The following CUBN variants were observed in gnomAD, a reference collection of about 807,000 sequenced individuals.
The protein encoded by CUBN is cubilin, also known as 460 kDa receptor.
A neutral mutation model predicts 405.3 loss-of-function variants in CUBN; 282 were observed. The ratio of observed to expected loss-of-function variants is 0.70; its 90% CI spans 0.63 to 0.77. CUBN has a LOEUF of 0.77. CUBN is among the 30% of genes least tolerant of loss of function. CUBN has a pLI of 0.00. For missense variants in CUBN, 4,514 were observed against 4,475.2 expected, an observed-to-expected ratio of 1.01 and a Z score of -0.25; for synonymous variants, 1,684 against 1,617.0, an observed-to-expected ratio of 1.04 and a Z score of -0.99.
chr10:17,040,385 C>T (rs186945316), intron 27 of CUBN, among the ~76,000 whole-genome samples: 25 of 152,108 alleles, frequency 1.6e-4, no homozygotes, highest in African/African-American at 5.8e-4. Context: ...GCCAAAATAA[C>T]CTCCCAATTT....
chr10:17,010,830 CAT>C (rs1400637027), intron 28 of CUBN, among the ~76,000 whole-genome samples: 1 of 152,170 alleles, frequency 6.6e-6, no homozygotes, highest in Non-Finnish European at 1.5e-5. Context: ...TTTTAACAGA[CAT>C]ACACTCAGAG....
chr10:17,108,641 G>T (rs1325316456), intron 10 of CUBN, among the ~76,000 whole-genome samples: 1 of 151,824 alleles, frequency 6.6e-6, no homozygotes, highest in Non-Finnish European at 1.5e-5. Flanking sequence ...AAGTATAAAA[G>T]AACATGTACT....
chr10:16,933,989 G>C (rs1256378584), intron 39 of CUBN, among the ~76,000 whole-genome samples: 1 of 152,180 alleles, frequency 6.6e-6, no homozygotes, highest in African/African-American at 2.4e-5. Flanking sequence ...CAAGACCTGA[G>C]AATGCAGTTT....
At chr10:16,863,156 T>C (rs1423395589) in intron 59 of CUBN, among the ~76,000 whole-genome samples, 1 of 152,172 alleles carries the variant, frequency 6.6e-6, no homozygotes, top group Non-Finnish European at 1.5e-5. Flanking sequence ...CATTCTCAGC[T>C]CAGCAAAAAA....
chr10:16,861,257 G>C (rs2131353512), intron 59 of CUBN, among the ~76,000 whole-genome samples: 1 of 151,996 alleles, frequency 6.6e-6, no homozygotes, highest in South Asian at 2.1e-4. Context: ...TGCCTCCCAG[G>C]TTCAAGGGAT....
At chr10:17,124,602 G>T (rs1379107649) in intron 4 of CUBN, among the ~76,000 whole-genome samples, 2 of 150,934 alleles carry the variant, frequency 1.3e-5, no homozygotes, top group Admixed American at 6.6e-5. Flanking sequence ...CTAATTTTTT[G>T]TATTTTTAGT....
chr10:16,870,101 T>C (rs375796172), intron 58 of CUBN, among the ~76,000 whole-genome samples: 1 of 152,176 alleles, frequency 6.6e-6, no homozygotes. Flanking sequence ...GTGAGTAAGA[T>C]ACAGTCTTAC....
In CUBN at chr10:16,890,426, G is replaced by A. The variant is rs549413310; in HGVS notation, c.8700C>T (p.Ala2900=). The A allele has an allele frequency of 7.4e-6, 12 of 1,613,896 alleles. No homozygotes were observed. The Admixed American group carries it at 1.0e-4, about 13-fold the overall frequency. ...PVITPSNTFT[A]VFQSQEAPAQ... is the part of the protein sequence containing the mutation. ...CTGGTGCCTCCTGAGACTGGAAGAC[G>A]GCAGTGAATGTGTTACTTGGTGTGA... Residue 2900 remains alanine (A), a synonymous_variant, in exon 55 of 67, where the codon GCC becomes GCT. Coordinates refer to ENST00000377833, the MANE Select transcript of CUBN (RefSeq NM_001081.4).
intron 43 of CUBN, among the ~76,000 whole-genome samples, chr10:16,924,050 G>A (rs1013287717): frequency 4.6e-5 from 7 of 152,116 alleles, no homozygotes; most frequent in African/African-American, 7.2e-5. Context: ...TAGCCTGGGC[G>A]ACAGAGAGAC....
In CUBN at chr10:17,045,888, C is replaced by T. The variant is rs768347236; in HGVS notation, c.3490+46G>A. On this transcript the variant is annotated intron_variant, in intron 24 of 66. Coordinates refer to ENST00000377833, the MANE Select transcript of CUBN (RefSeq NM_001081.4). Reference sequence around the variant, plus strand: ...CATGACAATCCCAGAATCAAGAAACCAATCAGATTGGCTTCTCCAGTAAAA... The same window carrying T: ...CATGACAATCCCAGAATCAAGAAACTAATCAGATTGGCTTCTCCAGTAAAA... 8.8e-6 allele frequency: 14 copies of T among 1,599,028 alleles called. No individual in the cohort carries two copies. The South Asian group carries it at 1.3e-4, about 15-fold the overall frequency.
chr10:16,833,286 A>G (rs1363538504), intron 64 of CUBN, among the ~76,000 whole-genome samples: 1 of 152,284 alleles, frequency 6.6e-6, no homozygotes, highest in African/African-American at 2.4e-5. Flanking sequence ...CACAGGTCCA[A>G]GTTGAATAAC....
In CUBN at chr10:17,108,635, A is replaced by G. The variant is rs573801383; in HGVS notation, c.1111+1005T>C. Reference sequence around the variant, plus strand: ...CCATAAAAAAAGAAACCATAGAAGTATAAAAGAACATGTACTTGACAATTT... The same window carrying G: ...CCATAAAAAAAGAAACCATAGAAGTGTAAAAGAACATGTACTTGACAATTT... On this transcript the variant is annotated intron_variant, in intron 10 of 66. Coordinates refer to ENST00000377833, the MANE Select transcript of CUBN (RefSeq NM_001081.4). 3.0e-4 allele frequency among the ~76,000 whole-genome samples: 45 copies of G among 152,228 alleles called. 1 individual carries two copies. In the East Asian group the frequency reaches 8.7e-3, roughly 29 times the overall value.
chr10:16,832,536 T>C (rs543252850), intron 64 of CUBN, among the ~76,000 whole-genome samples: 1 of 152,284 alleles, frequency 6.6e-6, no homozygotes, highest in South Asian at 2.1e-4. Flanking sequence ...CACTAGTAGA[T>C]GGGAGGGCTG....
At chr10:16,983,996 A>G (rs550086057) in intron 30 of CUBN, 109 bp downstream of exon 30, 128 of 1,223,000 alleles carry the variant, frequency 1.0e-4, no homozygotes, top group Non-Finnish European at 1.4e-4. Context: ...GCCCTTTGGG[A>G]TGTCACTAAG....
intron 36 of CUBN, among the ~76,000 whole-genome samples, chr10:16,943,183 C>T (rs1842704021): frequency 6.6e-6 from 1 of 152,154 alleles, no homozygotes; most frequent in Admixed American, 6.5e-5. Context: ...TCTAACCTAG[C>T]TCTCAAGCCA....
intron 28 of CUBN, among the ~76,000 whole-genome samples, chr10:16,993,247 T>C (rs868005755): frequency 1.3e-5 from 2 of 152,226 alleles, no homozygotes; most frequent in Non-Finnish European, 2.9e-5. Context: ...ATATAAAAGA[T>C]AAGAAGGAAA....
At chr10:16,888,622 G>A in intron 55 of CUBN, 56 bp from the exon 56 acceptor site, 1 of 1,518,806 alleles carries the variant, frequency 6.6e-7, no homozygotes, top group Non-Finnish European at 9.1e-7. Flanking sequence ...TATCTATTTT[G>A]TCCATGAAGG....
chr10:16,968,491 A>G (rs1486940562), intron 31 of CUBN, among the ~76,000 whole-genome samples: 4 of 152,194 alleles, frequency 2.6e-5, no homozygotes, highest in African/African-American at 7.2e-5. Context: ...GACCTGGACC[A>G]TGGTCGGCTT....
intron 56 of CUBN, among the ~76,000 whole-genome samples, chr10:16,884,758 A>G (rs753751464): frequency 8.5e-5 from 13 of 152,164 alleles, no homozygotes; most frequent in Non-Finnish European, 1.8e-4. Context: ...TAGACGCCAT[A>G]TAGGGACAAG....
Sources: allele counts gnomAD v4.1 joint callset (sites outside exome capture counted in the v4.1 genomes callset), GRCh38; gene constraint gnomAD v4.1.1; transcripts MANE v1.5; gene names NCBI Gene and HGNC (gene_info 2026-07-23, HGNC 2026-07-21).